The following AKR1C8 variants were observed in gnomAD, a reference collection of about 807,000 sequenced individuals.
AKR1C8 encodes the protein aldo-keto reductase family 1 member C8, also known as aldo-keto reductase family 1 member C-like protein 1.
At chr10:5,166,343 CA>C in the AKR1C8 span, among the ~76,000 whole-genome samples, 1 of 151,918 alleles carries the variant, frequency 6.6e-6, no homozygotes, top group Non-Finnish European at 1.5e-5. Flanking sequence ...AATCCTAAGC[CA>C]AAAAAACAAA....
chr10:5,169,225 T>A, the AKR1C8 span, among the ~76,000 whole-genome samples: 2,161 of 152,016 alleles, frequency 0.014, no homozygotes, highest in Non-Finnish European at 0.018. Context: ...GAAAGGGAGC[T>A]GCAATTTAAA....
the AKR1C8 span, among the ~76,000 whole-genome samples, chr10:5,139,700 A>G: frequency 6.6e-6 from 1 of 152,324 alleles, no homozygotes; most frequent in South Asian, 2.1e-4. Flanking sequence ...TAAATACCGT[A>G]GAAGAAAACC....
At chr10:5,176,920 G>C in the AKR1C8 span, among the ~76,000 whole-genome samples, 1 of 152,166 alleles carries the variant, frequency 6.6e-6, no homozygotes, top group Non-Finnish European at 1.5e-5. Flanking sequence ...CATGTCGTCT[G>C]CAAACAGGGA....
At chr10:5,135,543 TATCTATCTATCTATCATCTATC>T in the AKR1C8 span, among the ~76,000 whole-genome samples, 3 of 149,816 alleles carry the variant, frequency 2.0e-5, no homozygotes, top group African/African-American at 5.0e-5. Flanking sequence ...GGCTATCTAT[TATCTATCTATCTATCATCTATC>T]ATCTATCTAT....
chr10:5,166,984 G>T, the AKR1C8 span, among the ~76,000 whole-genome samples: 4 of 150,964 alleles, frequency 2.6e-5, no homozygotes, highest in African/African-American at 9.7e-5. Flanking sequence ...GATATGAAGA[G>T]ACGCTTCTCA....
the AKR1C8 span, among the ~76,000 whole-genome samples, chr10:5,144,798 C>T: frequency 1.3e-5 from 2 of 152,078 alleles, no homozygotes; most frequent in Non-Finnish European, 2.9e-5. Context: ...TCTAGATATA[C>T]AATCATGTCG....
chr10:5,141,179 A>G, the AKR1C8 span, among the ~76,000 whole-genome samples: 1 of 152,158 alleles, frequency 6.6e-6, no homozygotes, highest in Non-Finnish European at 1.5e-5. Flanking sequence ...TTAAGAAAAG[A>G]GTAGATTTCA....
At chr10:5,129,062 C>A in the AKR1C8 span, among the ~76,000 whole-genome samples, 1 of 151,976 alleles carries the variant, frequency 6.6e-6, no homozygotes, top group East Asian at 1.9e-4. Context: ...TTGAGAAAAT[C>A]CAAATTACAT....
the AKR1C8 span, among the ~76,000 whole-genome samples, chr10:5,124,606 ATTAAATT>A: frequency 6.6e-6 from 1 of 152,210 alleles, no homozygotes; most frequent in South Asian, 2.1e-4. Context: ...AAATTAAAAC[ATTAAATT>A]TTAAACAATA....
At chr10:5,160,680 C>T in the AKR1C8 span, 5 of 382,282 alleles carry the variant, frequency 1.3e-5, no homozygotes, top group East Asian at 2.2e-4. Flanking sequence ...CAGATGAGAA[C>T]ACAGAGGCAC....
At chr10:5,140,263 G>C in the AKR1C8 span, among the ~76,000 whole-genome samples, 2 of 152,198 alleles carry the variant, frequency 1.3e-5, no homozygotes, top group Non-Finnish European at 2.9e-5. Context: ...TCTAGAACTA[G>C]AAATACCATT....
chr10:5,155,330 A>G, the AKR1C8 span: 1 of 152,412 alleles, frequency 6.6e-6, no homozygotes, highest in Non-Finnish European at 1.5e-5. Flanking sequence ...TAAATTAAAG[A>G]GAACGTTATG....
the AKR1C8 span, among the ~76,000 whole-genome samples, chr10:5,148,493 G>T: frequency 2.6e-5 from 4 of 152,036 alleles, no homozygotes; most frequent in Non-Finnish European, 1.5e-5. Flanking sequence ...TTTTCAAAGA[G>T]GATTTTGGGA....
At chr10:5,161,726 T>A in the AKR1C8 span, 1 of 534,516 alleles carries the variant, frequency 1.9e-6, no homozygotes. Context: ...GTTTTGGCAA[T>A]CCTATGCACC....
chr10:5,157,078 G>A, the AKR1C8 span, among the ~76,000 whole-genome samples: 2 of 152,164 alleles, frequency 1.3e-5, no homozygotes, highest in African/African-American at 4.8e-5. Flanking sequence ...GTCACTGCCA[G>A]GGGAAGGGTA....
At chr10:5,148,879 G>A in the AKR1C8 span, among the ~76,000 whole-genome samples, 1 of 151,978 alleles carries the variant, frequency 6.6e-6, no homozygotes, top group African/African-American at 2.4e-5. Context: ...ATACCAGGAA[G>A]TCTAATTTCT....
chr10:5,182,643 C>T, the AKR1C8 span, among the ~76,000 whole-genome samples: 2 of 152,122 alleles, frequency 1.3e-5, no homozygotes, highest in Non-Finnish European at 2.9e-5. Context: ...GGTGTGGTGG[C>T]TTATGCCTGT....
chr10:5,125,889 G>A, the AKR1C8 span, among the ~76,000 whole-genome samples: 1 of 152,190 alleles, frequency 6.6e-6, no homozygotes, highest in Admixed American at 6.5e-5. Flanking sequence ...TGGGTGGCTA[G>A]ACCCAGAAGA....
chr10:5,145,608 C>G, the AKR1C8 span, among the ~76,000 whole-genome samples: 1 of 152,190 alleles, frequency 6.6e-6, no homozygotes, highest in Non-Finnish European at 1.5e-5. Flanking sequence ...TGCTCATCAT[C>G]ACTGGCCATC....
Sources: gnomAD v4.1 joint callset for allele counts (sites outside exome capture counted in the v4.1 genomes callset) on GRCh38, gnomAD v4.1.1 for gene constraint, MANE v1.5 for transcripts, NCBI Gene and HGNC (gene_info 2026-07-23, HGNC 2026-07-21) for gene names.